The following IL1RAPL2 variants were observed in gnomAD, a reference collection of about 807,000 sequenced individuals.
The protein encoded by IL1RAPL2 is interleukin 1 receptor accessory protein like 2.
IL1RAPL2 carries 3 observed loss-of-function variants against 44.1 expected under a neutral mutation model. That is an observed-to-expected ratio of 0.07 (90% CI 0.03 to 0.18). The LOEUF (loss-of-function observed/expected upper bound fraction) is 0.18. Ranked by LOEUF, IL1RAPL2 falls within the 10% of genes least tolerant of loss-of-function variation. IL1RAPL2 has a pLI of 1.00. For missense variants in IL1RAPL2, 391 were observed against 496.4 expected (o/e 0.79, Z 2.02); for synonymous variants, 181 against 178.8 (o/e 1.01, Z -0.10).
intron 5 of IL1RAPL2, among the ~76,000 whole-genome samples, chrX:105,379,452 G>A (rs916898513): frequency 8.9e-6 from 1 of 111,878 alleles, no homozygotes; most frequent in Non-Finnish European, 1.9e-5. Flanking sequence ...AAAAGTAAAA[G>A]AGATGAACAT....
chrX:105,249,155 A>G (rs1221665029), intron 4 of IL1RAPL2, among the ~76,000 whole-genome samples: 1 of 111,716 alleles, frequency 9.0e-6, no homozygotes, highest in Non-Finnish European at 1.9e-5. Flanking sequence ...ATGGAATACT[A>G]TTCAGCCATA....
chrX:105,355,857 A>T (rs1003265084), intron 5 of IL1RAPL2, among the ~76,000 whole-genome samples: 3 of 110,886 alleles, frequency 2.7e-5, no homozygotes, highest in Admixed American at 1.9e-4. Flanking sequence ...TTTTTCTTAC[A>T]GGGTCGCGGG....
chrX:104,663,973 G>GA lies in IL1RAPL2; in HGVS notation c.82+4982dup, dbSNP rs1930445048. The stretch of plus-strand genomic sequence containing the variant: ...TCCTGAGGTGGGGCTGACGGGGAGG[G>GA]AAAATAAATCAAAACTCCCTTGTTT... On this transcript the variant is annotated intron_variant, in intron 2 of 10. Transcript: ENST00000372582. Among the ~76,000 whole-genome samples the GA allele has an allele frequency of 2.7e-5, 3 of 109,778 alleles. No homozygotes were observed. In the Admixed American group the frequency reaches 3.0e-4, roughly 11 times the overall value.
At chrX:105,599,394 T>C (rs1055124917) in intron 6 of IL1RAPL2, among the ~76,000 whole-genome samples, 3 of 111,449 alleles carry the variant, frequency 2.7e-5, no homozygotes, top group Non-Finnish European at 5.7e-5. Context: ...TTGAGTCTAA[T>C]AGACCTGAGT....
At chrX:105,263,672 G>A (rs909607050) in intron 4 of IL1RAPL2, among the ~76,000 whole-genome samples, 7 of 111,160 alleles carry the variant, frequency 6.3e-5, no homozygotes, top group African/African-American at 2.0e-4. Context: ...CTAGGAAGGT[G>A]GGGAGGGAGA....
chrX:104,938,315 A>C (rs1443335270), intron 2 of IL1RAPL2, among the ~76,000 whole-genome samples: 1 of 111,921 alleles, frequency 8.9e-6, no homozygotes, highest in African/African-American at 3.2e-5. Context: ...ATTCTTGTCC[A>C]ATATCAATAT....
At position 105,640,472 on chromosome X, in the gene IL1RAPL2, A is replaced by T. The variant is rs1019908555; in HGVS notation, c.773-76895A>T. On this transcript the variant is annotated intron_variant, in intron 6 of 10. Transcript: ENST00000372582. ...GCCATTGAGGCCCAGTTGCAAGAGGATCCTCTAGGACAGAGTTTTGTGTTT... is the reference window on the plus strand; with the variant it reads ...GCCATTGAGGCCCAGTTGCAAGAGGTTCCTCTAGGACAGAGTTTTGTGTTT... Among the ~76,000 whole-genome samples, 5 of 107,816 alleles carry T rather than the reference A, an allele frequency of 4.6e-5. No individual in the cohort carries two copies. In the East Asian group the frequency reaches 1.5e-3, roughly 32 times the overall value. The allele number at this position is 107,816 out of a possible 115,157, so 93.6% of individuals were successfully genotyped here.
rs768016157 is a variant in IL1RAPL2, at chrX:104,993,191, C to T, written c.83-202284C>T. On this transcript the variant is annotated intron_variant, in intron 2 of 10. Coordinates refer to ENST00000372582, the MANE Select transcript of IL1RAPL2 (RefSeq NM_017416.2). ...ATATATAAATTAGTAATTACAAAAC[C>T]ATAAAATGTTTCTTATAGGTTAGGC... Among the ~76,000 whole-genome samples, 20 of 111,138 alleles carry T rather than the reference C, an allele frequency of 1.8e-4. No individual in the cohort carries two copies. In the East Asian group the frequency reaches 5.4e-3, roughly 30 times the overall value.
chrX:105,040,353 G>T (rs1390335266), intron 2 of IL1RAPL2, among the ~76,000 whole-genome samples: 1 of 111,211 alleles, frequency 9.0e-6, no homozygotes, highest in African/African-American at 3.3e-5. Flanking sequence ...TTTTTTAGTT[G>T]TGTCTCTGCC....
intron 7 of IL1RAPL2, among the ~76,000 whole-genome samples, chrX:105,730,678 A>G (rs1402434579): frequency 1.8e-5 from 2 of 111,411 alleles, no homozygotes; most frequent in East Asian, 2.8e-4. Context: ...TCAGACCACA[A>G]TGGACTAAAA....
At chrX:105,162,518 T>C (rs2033334655) in intron 2 of IL1RAPL2, among the ~76,000 whole-genome samples, 1 of 112,268 alleles carries the variant, frequency 8.9e-6, no homozygotes, top group Non-Finnish European at 1.9e-5. Context: ...GAGTTTCAAA[T>C]AATGTTAGGA....
intron 2 of IL1RAPL2, among the ~76,000 whole-genome samples, chrX:104,998,440 T>C (rs766111182): frequency 1.4e-4 from 16 of 110,673 alleles, no homozygotes; most frequent in Non-Finnish European, 3.0e-4. Context: ...GAGAAGAATA[T>C]GGTAACAAGG....
At chrX:105,199,720 A>G (rs781887966) in intron 3 of IL1RAPL2, among the ~76,000 whole-genome samples, 1 of 112,105 alleles carries the variant, frequency 8.9e-6, no homozygotes, top group South Asian at 3.7e-4. Flanking sequence ...AAGATAAAAG[A>G]ATTCCACTAA....
intron 2 of IL1RAPL2, among the ~76,000 whole-genome samples, chrX:105,131,487 ATAT>A (rs1281996658): frequency 1.8e-5 from 2 of 110,004 alleles, no homozygotes; most frequent in African/African-American, 6.6e-5. Flanking sequence ...ACATCATGAA[ATAT>A]TATTATTTTC....
At chrX:104,907,342 T>C (rs2147679386) in intron 2 of IL1RAPL2, among the ~76,000 whole-genome samples, 1 of 111,651 alleles carries the variant, frequency 9.0e-6, no homozygotes, top group Admixed American at 9.5e-5. Flanking sequence ...TGCCTTCTGC[T>C]AGCTTTTGAA....
intron 2 of IL1RAPL2, among the ~76,000 whole-genome samples, chrX:105,165,321 A>G (rs1298829656): frequency 8.9e-6 from 1 of 111,845 alleles, no homozygotes; most frequent in Non-Finnish European, 1.9e-5. Flanking sequence ...ACTGAAGCAG[A>G]AACCTAAAAG....
At chrX:105,401,635 C>G in intron 5 of IL1RAPL2, among the ~76,000 whole-genome samples, 1 of 110,252 alleles carries the variant, frequency 9.1e-6, no homozygotes, top group Non-Finnish European at 1.9e-5. Flanking sequence ...TGGTGATTTT[C>G]TTTATGAAGC....
At chrX:104,904,262 TACAC>T (rs1923908501) in intron 2 of IL1RAPL2, among the ~76,000 whole-genome samples, 1 of 110,029 alleles carries the variant, frequency 9.1e-6, no homozygotes, top group African/African-American at 3.3e-5. Flanking sequence ...CACACACACA[TACAC>T]ATATATACAT....
At chrX:105,708,156 T>C (rs1462306937) in intron 6 of IL1RAPL2, among the ~76,000 whole-genome samples, 1 of 111,774 alleles carries the variant, frequency 8.9e-6, no homozygotes, top group Non-Finnish European at 1.9e-5. Context: ...GATATTTCCA[T>C]TTTCTAAAGG....
Sources: allele counts gnomAD v4.1 joint callset (sites outside exome capture counted in the v4.1 genomes callset), GRCh38; gene constraint gnomAD v4.1.1; transcripts MANE v1.5; gene names NCBI Gene and HGNC (gene_info 2026-07-23, HGNC 2026-07-21).